The following GPR179 variants were observed in gnomAD, a reference collection of about 807,000 sequenced individuals.
GPR179 encodes the protein probable G protein-coupled receptor 179.
Under a neutral mutation model 70.8 loss-of-function variants are expected in GPR179, and 52 were observed. That is an observed-to-expected ratio of 0.73 (90% CI 0.59 to 0.93). The LOEUF (loss-of-function observed/expected upper bound fraction) is 0.93. Ranked by LOEUF, GPR179 falls within the 40% of genes least tolerant of loss-of-function variation. The pLI is 0.00. For missense variants in GPR179, 2,734 were observed against 2,966.8 expected (o/e 0.92, Z 1.82); for synonymous variants, 1,123 against 1,169.0 (o/e 0.96, Z 0.80).
In GPR179 at chr17:38,331,091, T is replaced by A; in HGVS notation, c.2478A>T (p.Gly826=). ...RSASAHNLTV[G]ERLPRARPAS... ...CGGGCCGGGCTCTGGGTAGCCTCTC[T>A]CCCACCGTCAGGTTGTGGGCGCTGG... Residue 826 remains glycine, a synonymous_variant, in exon 11 of 11, where the codon GGA becomes GGT. Coordinates refer to ENST00000616987, the MANE Select transcript of GPR179 (RefSeq NM_001004334.4). The A allele has an allele frequency of 6.2e-7, 1 of 1,600,888 alleles. No homozygotes were observed. The highest frequency in any genetic ancestry group is 8.5e-7 in the Non-Finnish European group (1 of 1,179,276).
Position 38,335,130 on chromosome 17 carries a change from G to T in GPR179, c.1548C>A (p.Gly516=). The T allele has an allele frequency of 6.2e-7, 1 of 1,604,006 alleles. No individual in the cohort carries two copies. The change falls in exon 7 of 11, where the codon GGC becomes GGA. Residue 516 remains glycine (G), a synonymous_variant. Transcript: ENST00000616987. ...GGATCACCAGAGGTGCGTGCTGGAT[G>T]CCTCGCTCCAGGGCGCCCACGGTCC... ...AVWTVGALER[G]IQHAPLVIRG...
chr17:38,335,028 C>G lies in GPR179; in HGVS notation c.1645+5G>C, dbSNP rs765706293. On this transcript the variant is annotated splice_donor_5th_base_variant and intron_variant, in intron 7 of 10. Transcript: ENST00000616987. ...GTAAGGCTGGGCTCAGCAGAAGCAG[C>G]TCACCCACAACCATGATGTAGTCCC... 2.2e-5 allele frequency: 36 copies of G among 1,609,246 alleles called. No homozygotes were observed. The highest frequency in any genetic ancestry group is 3.1e-5 in the Non-Finnish European group (36 of 1,176,454).
rs1211394092 is a variant in GPR179, at chr17:38,325,137, T to C, written c.*1328A>G. Reference sequence around the variant, plus strand: ...CTCCCTTTGCCAATCTTGGGACTTCTTTGTATGTTTTTCTCCTTCTTCCTT... The same window carrying C: ...CTCCCTTTGCCAATCTTGGGACTTCCTTGTATGTTTTTCTCCTTCTTCCTT... On this transcript the variant is annotated 3_prime_UTR_variant, in exon 11 of 11. Transcript: ENST00000616987. 6.6e-6 allele frequency among the ~76,000 whole-genome samples: 1 copy of C among 152,152 alleles called. No homozygotes were observed. Among genetic ancestry groups the C allele is most frequent in the Admixed American group, 6.5e-5 (1 of 15,268 alleles).
Position 38,331,311 on chromosome 17 carries a change from C to CGGCGGCGGGAGGAGCCG in GPR179, c.2241_2257dup (p.Arg753ProfsTer44), listed in dbSNP as rs1567724339. The CGGCGGCGGGAGGAGCCG allele has an allele frequency of 6.2e-7, 1 of 1,603,384 alleles. No individual in the cohort carries two copies. The highest frequency in any genetic ancestry group is 2.2e-5 in the East Asian group (1 of 44,510). Reference sequence around the variant, plus strand: ...TTCCTGGAGGCTGGAGCTGAGGAGCCGGCGGCGGGAGGAGCCGGGCAGGCT... The same window carrying CGGCGGCGGGAGGAGCCG: ...TTCCTGGAGGCTGGAGCTGAGGAGCCGGCGGCGGGAGGAGCCGGGCGGCGGGAGGAGCCGGGCAGGCT... On this transcript the variant is annotated frameshift_variant, in exon 11 of 11. Coordinates refer to ENST00000616987, the MANE Select transcript of GPR179 (RefSeq NM_001004334.4). LOFTEE classifies it low-confidence loss of function (END_TRUNC).
chr17:38,341,742 C>T (rs573050880), intron 1 of GPR179, among the ~76,000 whole-genome samples: 1 of 152,144 alleles, frequency 6.6e-6, no homozygotes. Context: ...CAGGATAGTG[C>T]GGCCTGCTTG....
In GPR179 at chr17:38,333,504, C is replaced by T. The variant is rs78562108; in HGVS notation, c.1891-107G>A. On this transcript the variant is annotated intron_variant, in intron 9 of 10. Transcript: ENST00000616987. ...GTCCTTACTTTGTGACGCTTCACCCCCTTCTCTGACTTGGAATTCTGGGGA... is the reference window on the plus strand; with the variant it reads ...GTCCTTACTTTGTGACGCTTCACCCTCTTCTCTGACTTGGAATTCTGGGGA... The T allele has an allele frequency of 5.0e-3, 5,730 of 1,138,072 alleles. 180 individuals are homozygous for T. In the African/African-American group the frequency reaches 0.081, roughly 16 times the overall value. 70.5% of individuals were successfully genotyped at this position (1,138,072 alleles called of 1,614,324 possible).
Position 38,329,516 on chromosome 17 carries a change from GT to G in GPR179, c.4052del (p.Asp1351AlafsTer49). ...TCTCCACCTTCCTGGCCTCCACACT[GT>G]CCCCCGCCTCAGATTTGTCTCTGAT... ...GRIRDKSEAG[D>X]SVEARKVEKP... On this transcript the variant is annotated frameshift_variant, in exon 11 of 11. Transcript: ENST00000616987. LOFTEE classifies it low-confidence loss of function (END_TRUNC). The G allele has an allele frequency of 6.2e-7, 1 of 1,613,882 alleles. No individual in the cohort carries two copies. Among genetic ancestry groups the G allele is most frequent in the Non-Finnish European group, 8.5e-7 (1 of 1,179,998 alleles).
chr17:38,337,385 G>A (rs1337505583), intron 3 of GPR179, among the ~76,000 whole-genome samples, 172 bp from the exon 4 acceptor site: 2 of 152,152 alleles, frequency 1.3e-5, no homozygotes, highest in Admixed American at 1.3e-4. Context: ...AGGAAGAGGT[G>A]ACACCAGGCT....
At position 38,326,520 on chromosome 17, in the gene GPR179, TC is replaced by T; in HGVS notation, c.7048del (p.Glu2350LysfsTer24). 6.2e-7 allele frequency: 1 copy of T among 1,613,892 alleles called. No individual in the cohort carries two copies. Among genetic ancestry groups the T allele is most frequent in the Non-Finnish European group, 8.5e-7 (1 of 1,179,786 alleles). ...LTEDSGQVAF[E>X]AQYEEFTPPT... ...AGGGGTGAATTCTTCATACTGAGCT[TC>T]AAAAGCCACTTGGCCTGAGTCTTCA... On this transcript the variant is annotated frameshift_variant, in exon 11 of 11. Coordinates refer to ENST00000616987, the MANE Select transcript of GPR179 (RefSeq NM_001004334.4). LOFTEE classifies it low-confidence loss of function (END_TRUNC).
chr17:38,336,078 G>A lies in GPR179; in HGVS notation c.1294C>T (p.Pro432Ser), dbSNP rs772895584. 6.2e-7 allele frequency: 1 copy of A among 1,611,978 alleles called. No individual in the cohort carries two copies. Among genetic ancestry groups the A allele is most frequent in the East Asian group, 2.2e-5 (1 of 44,878 alleles). ...CCAGCCTGTGGCCACAGACTCACAGGAAAGTAAAGCAGCAGGAATCCAAAA... is the reference window on the plus strand; with the variant it reads ...CCAGCCTGTGGCCACAGACTCACAGAAAAGTAAAGCAGCAGGAATCCAAAA... ...VLFGFLLLYF[P>S]VFILYFKPSV... is the part of the protein sequence containing the mutation. Residue 432 changes from proline (P) to serine (S), a missense_variant and splice_region_variant, in exon 5 of 11, where the codon CCT (proline) becomes TCT (serine). Pro to Ser is a moderately conservative substitution (Grantham distance 74). Coordinates refer to ENST00000616987, the MANE Select transcript of GPR179 (RefSeq NM_001004334.4).
chr17:38,330,911 T>C lies in GPR179; in HGVS notation c.2658A>G (p.Pro886=). Reference sequence around the variant, plus strand: ...GAGGCCGCTCCAGCCTCCTGGCTGATGGCCTCCGCACCAGGCTGGCCATGG... The same window carrying C: ...GAGGCCGCTCCAGCCTCCTGGCTGACGGCCTCCGCACCAGGCTGGCCATGG... ...KAAMASLVRR[P]SARRLERPRG... Residue 886 remains proline (P), a synonymous_variant, in exon 11 of 11, where the codon CCA becomes CCG. Coordinates refer to ENST00000616987, the MANE Select transcript of GPR179 (RefSeq NM_001004334.4). 1 of 1,606,544 alleles carries C rather than the reference T, an allele frequency of 6.2e-7. No individual in the cohort carries two copies. The highest frequency in any genetic ancestry group is 8.5e-7 in the Non-Finnish European group (1 of 1,177,090).
rs1267477784 is a variant in GPR179, at chr17:38,328,465, C to A, written c.5104G>T (p.Ala1702Ser). Residue 1702 changes from alanine to serine, a missense_variant, in exon 11 of 11, where the codon GCA becomes TCA. Physicochemically the swap from Ala to Ser is moderately conservative, Grantham distance 99. Coordinates refer to ENST00000616987, the MANE Select transcript of GPR179 (RefSeq NM_001004334.4). ...DVEENLTAGK[A>S]EICPWEVGAG... ...CCCACCTCCCAGGGACAGATTTCTG[C>A]CTTCCCAGCAGTCAAGTTTTCCTCC... The A allele has an allele frequency of 6.2e-7, 1 of 1,612,686 alleles. No homozygotes were observed. Among genetic ancestry groups the A allele is most frequent in the Admixed American group, 1.7e-5 (1 of 59,908 alleles).
In GPR179 at chr17:38,336,966, G is replaced by A. The variant is rs552047425; in HGVS notation, c.1227+12C>T. 14 of 1,574,792 alleles carry A rather than the reference G, an allele frequency of 8.9e-6. No individual in the cohort carries two copies. The highest frequency in any genetic ancestry group is 3.7e-5 in the Admixed American group (2 of 53,554). On this transcript the variant is annotated intron_variant, in intron 4 of 10. Transcript: ENST00000616987. ...TCGGACATGTGTGTAGGAGGTGTGG[G>A]GCCTTCCTTGCCTTGTTCCGGCGGC...
In GPR179 at chr17:38,335,112, C is replaced by T; in HGVS notation, c.1566G>A (p.Leu522=). Residue 522 remains leucine, a synonymous_variant, in exon 7 of 11, where the codon CTG becomes CTA. Transcript: ENST00000616987. ...ALERGIQHAP[L]VIRGHTPSGR... is the part of the protein sequence containing the mutation. The stretch of plus-strand genomic sequence containing the variant: ...CACTGGGAGTGTGGCCTCGGATCAC[C>T]AGAGGTGCGTGCTGGATGCCTCGCT... 6.2e-7 allele frequency: 1 copy of T among 1,610,576 alleles called. No homozygotes were observed. Among genetic ancestry groups the T allele is most frequent in the Non-Finnish European group, 8.5e-7 (1 of 1,178,642 alleles).
At position 38,337,638 on chromosome 17, in the gene GPR179, G is replaced by C; in HGVS notation, c.986C>G (p.Ser329Cys). Residue 329 changes from serine to cysteine, a missense_variant, in exon 3 of 11, where the codon TCT (serine) becomes TGT (cysteine). Physicochemically the swap from Ser to Cys is moderately radical, Grantham distance 112 (BLOSUM62 -1). Transcript: ENST00000616987. ...CCCCCACCACACTTACATACCCCCA[G>C]AGGGGCTTGCCCCGTAGAATCCAGG... ...CRPGFYGASP[S>C]GGLEESDFQT... 6.2e-7 allele frequency: 1 copy of C among 1,605,476 alleles called. No individual in the cohort carries two copies. Among genetic ancestry groups the C allele is most frequent in the Non-Finnish European group, 8.5e-7 (1 of 1,176,240 alleles).
rs1284919379 is a variant in GPR179, at chr17:38,325,021, T to C, written c.*1444A>G. On this transcript the variant is annotated 3_prime_UTR_variant, in exon 11 of 11. Transcript: ENST00000616987. ...CCATGAATGACATCAATGTCTGTAC[T>C]GTTGTACTGTTAGAGGGCGTGACTT... is the stretch of plus-strand genomic sequence containing the variant. Among the ~76,000 whole-genome samples the C allele has an allele frequency of 6.6e-6, 1 of 152,228 alleles. No homozygotes were observed. Among genetic ancestry groups the C allele is most frequent in the Non-Finnish European group, 1.5e-5 (1 of 68,042 alleles).
rs2037413531 is a variant in GPR179 at position 38,337,223 on chromosome 17, A to C, written c.992-10T>G. On this transcript the variant is annotated splice_polypyrimidine_tract_variant and intron_variant, in intron 3 of 10. Transcript: ENST00000616987. ...TCACTCTCCTCTAACCCTATAAAGAACAAGATGAGTGCAGGGAGAGGGGCC... is the reference window on the plus strand; with the variant it reads ...TCACTCTCCTCTAACCCTATAAAGACCAAGATGAGTGCAGGGAGAGGGGCC... The C allele has an allele frequency of 3.1e-6, 5 of 1,602,388 alleles. No individual in the cohort carries two copies. The highest frequency in any genetic ancestry group is 1.7e-5 in the Admixed American group (1 of 58,852).
rs2037391888 is a variant in GPR179, at chr17:38,335,096, T to C, written c.1582A>G (p.Thr528Ala). 1 of 1,612,516 alleles carries C rather than the reference T, an allele frequency of 6.2e-7. No individual in the cohort carries two copies. Among genetic ancestry groups the C allele is most frequent in the Non-Finnish European group, 8.5e-7 (1 of 1,179,590 alleles). ...AGGTAGAAATGGCGGCCACTGGGAGTGTGGCCTCGGATCACCAGAGGTGCG... is the reference window on the plus strand; with the variant it reads ...AGGTAGAAATGGCGGCCACTGGGAGCGTGGCCTCGGATCACCAGAGGTGCG... ...QHAPLVIRGHTPSGRHFYLCH... is the reference protein window; with the variant it reads ...QHAPLVIRGHAPSGRHFYLCH... Residue 528 changes from threonine to alanine, a missense_variant, in exon 7 of 11, where the codon ACT becomes GCT. Transcript: ENST00000616987.
chr17:38,327,711 T>G lies in GPR179; in HGVS notation c.5858A>C (p.Glu1953Ala), dbSNP rs1467612166. The G allele has an allele frequency of 1.9e-6, 3 of 1,614,226 alleles. No individual in the cohort carries two copies. Among genetic ancestry groups the G allele is most frequent in the South Asian group, 2.2e-5 (2 of 91,092 alleles). Residue 1953 changes from glutamate to alanine, a missense_variant, in exon 11 of 11, where the codon GAG becomes GCG. Glu to Ala is a moderately radical substitution (Grantham distance 107, BLOSUM62 -1). Transcript: ENST00000616987. ...TTEDGEKTSHELQSVCPWETT... is the reference protein window; with the variant it reads ...TTEDGEKTSHALQSVCPWETT... ...CTCCCATGGACAGACGGATTGTAGC[T>G]CATGGCTTGTTTTTTCCCCATCTTC...
Sources: allele counts gnomAD v4.1 joint callset (sites outside exome capture counted in the v4.1 genomes callset), GRCh38; gene constraint gnomAD v4.1.1; transcripts MANE v1.5; gene names NCBI Gene and HGNC (gene_info 2026-07-23, HGNC 2026-07-21).